MAST3: variants seen among roughly 807,000 people sequenced by gnomAD.
The protein encoded by MAST3 is microtubule associated serine/threonine kinase 3.
In MAST3, 43 loss-of-function variants were observed where a neutral mutation model predicts 127.0. The observed-to-expected ratio is 0.34, with a 90% CI of 0.27 to 0.44. MAST3 has a LOEUF of 0.44. Ranked by LOEUF, MAST3 falls within the 20% of genes least tolerant of loss-of-function variation. The pLI is 1.00. For synonymous variants in MAST3, 785 were observed against 809.2 expected, an observed-to-expected ratio of 0.97 and a Z score of 0.51; for missense variants, 1,390 against 1,919.1, an observed-to-expected ratio of 0.72 and a Z score of 5.15.
At chr19:18,136,822 T>C (rs2041939542) in intron 18 of MAST3, among the ~76,000 whole-genome samples, 1 of 151,940 alleles carries the variant, frequency 6.6e-6, no homozygotes, top group South Asian at 2.1e-4. Flanking sequence ...GTTGTTGTTG[T>C]TGTTGTTGTT....
In MAST3 at chr19:18,110,769, G is replaced by A. The variant is rs966699437; in HGVS notation, c.161+28G>A. ...AAGTGACAGCGCGTGTGGGCGGGGC[G>A]CAGACATCGCCCTGGCACCCCAGAG... On this transcript the variant is annotated intron_variant, in intron 3 of 27. Coordinates refer to ENST00000687212, the MANE Select transcript of MAST3 (RefSeq NM_001393504.1). This position sits in a 1 kb window ranked among gnomAD's most constrained non-coding sequence, Gnocchi z 4.3. 2.0e-5 allele frequency: 19 copies of A among 955,028 alleles called. No individual in the cohort carries two copies. The African/African-American group carries it at 3.2e-4, about 16-fold the overall frequency. 59.2% of individuals were successfully genotyped at this position (955,028 alleles called of 1,614,324 possible). A position where few individuals can be genotyped will look rare whatever the true frequency, so the allele number is the denominator to read the frequency against.
chr19:18,130,463 G>C (rs376408851), intron 13 of MAST3, 31 bp from the exon 14 acceptor site: 3 of 1,562,280 alleles, frequency 1.9e-6, no homozygotes, highest in Admixed American at 1.9e-5. Flanking sequence ...CTCGATCTCC[G>C]GTCCCAGCAA....
At chr19:18,130,790 T>C (rs908290915) in intron 14 of MAST3, 88 bp downstream of exon 14, 10 of 1,305,212 alleles carry the variant, frequency 7.7e-6, no homozygotes, top group African/African-American at 4.4e-5. Flanking sequence ...AGTTGAGGTC[T>C]GTTCTGTCCT....
chr19:18,123,281 A>T lies in MAST3; in HGVS notation c.464A>T (p.His155Leu). The change falls in exon 7 of 28, where the codon CAC (histidine) becomes CTC (leucine). Residue 155 changes from histidine to leucine, a missense_variant. Physicochemically the swap from His to Leu is moderately conservative, Grantham distance 99. This residue lies in a region of MAST3 where 277 missense variants were observed against 384.8 expected (regional missense o/e 0.72). Coordinates refer to ENST00000687212, the MANE Select transcript of MAST3 (RefSeq NM_001393504.1). ...TTCCAGCCGACGCCGGACGAGCTGCACTTCCTGTCCAAGCACTTCCGCAGC... is the reference window on the plus strand; with the variant it reads ...TTCCAGCCGACGCCGGACGAGCTGCTCTTCCTGTCCAAGCACTTCCGCAGC... ...LPFQPTPDEL[H>L]FLSKHFRSSE... is the part of the protein sequence containing the mutation. 1.4e-5 allele frequency: 22 copies of T among 1,613,856 alleles called. No homozygotes were observed. Among genetic ancestry groups the T allele is most frequent in the Non-Finnish European group, 1.9e-5 (22 of 1,179,876 alleles).
At chr19:18,118,288 C>T in intron 3 of MAST3, 55 of 979,782 alleles carry the variant, frequency 5.6e-5, no homozygotes, top group Non-Finnish European at 6.5e-5. Flanking sequence ...GGCTCGGCGG[C>T]CAGCCGAGCA....
chr19:18,107,373 G>A (rs1422368072), intron 1 of MAST3, among the ~76,000 whole-genome samples: 1 of 152,170 alleles, frequency 6.6e-6, no homozygotes, highest in East Asian at 1.9e-4. Context: ...AGTATGAGCT[G>A]CAGTTAATTA....
intron 25 of MAST3, 125 bp from the exon 26 acceptor site, chr19:18,146,756 G>C (rs1424044321): frequency 4.6e-6 from 4 of 865,788 alleles, no homozygotes; most frequent in Non-Finnish European, 1.8e-6. Flanking sequence ...TGGTTGTGTG[G>C]ATGAATGGAT....
In MAST3 at chr19:18,141,888, A is replaced by G. The variant is rs1246822684; in HGVS notation, c.2212A>G (p.Ser738Gly). 2 of 1,469,450 alleles carry G rather than the reference A, an allele frequency of 1.4e-6. No individual in the cohort carries two copies. Among genetic ancestry groups the G allele is most frequent in the East Asian group, 2.7e-5 (1 of 36,786 alleles). 91.0% of individuals were successfully genotyped at this position (1,469,450 alleles called of 1,614,324 possible). A position where few individuals can be genotyped will look rare whatever the true frequency, so the allele number is the denominator to read the frequency against. ...CTTTTGTCTTGCCTCCCAGGTCTAC[A>G]GCAGCTCTGAGTTCCTGGCCGTCCA... ...SCSHRFSKVYSSSEFLAVQPT... is the reference protein window; with the variant it reads ...SCSHRFSKVYGSSEFLAVQPT... Residue 738 changes from serine (S) to glycine (G), a missense_variant, in exon 21 of 28, where the codon AGC (serine) becomes GGC (glycine). Physicochemically the swap from Ser to Gly is moderately conservative, Grantham distance 56 (BLOSUM62 0). Transcript: ENST00000687212.
At chr19:18,129,036 T>C in intron 13 of MAST3, 85 bp downstream of exon 13, 1 of 1,186,342 alleles carries the variant, frequency 8.4e-7, no homozygotes, top group Non-Finnish European at 1.3e-6. Flanking sequence ...ATCCCCCTCC[T>C]ACCCCAGCAG....
At chr19:18,127,071 C>T (rs1379770203) in intron 11 of MAST3, among the ~76,000 whole-genome samples, 1 of 151,966 alleles carries the variant, frequency 6.6e-6, no homozygotes, top group Non-Finnish European at 1.5e-5. Flanking sequence ...TGAGCCACCG[C>T]GCCTGGCCTA....
At position 18,144,760 on chromosome 19, in the gene MAST3, T is replaced by C. The variant is rs1160545885; in HGVS notation, c.2812+67T>C. 1 of 1,547,964 alleles carries C rather than the reference T, an allele frequency of 6.5e-7. No homozygotes were observed. The highest frequency in any genetic ancestry group is 8.8e-7 in the Non-Finnish European group (1 of 1,134,144). ...ATTTTCACCAACAGGGTGGGGGCCC[T>C]TCCTGAGTTGGGGAGGCTGGGGATG... On this transcript the variant is annotated intron_variant, in intron 23 of 27. Coordinates refer to ENST00000687212, the MANE Select transcript of MAST3 (RefSeq NM_001393504.1). This position sits in a 1 kb window ranked among gnomAD's most constrained non-coding sequence, Gnocchi z 4.0.
At chr19:18,132,694 C>T (rs968016395) in intron 15 of MAST3, among the ~76,000 whole-genome samples, 1 of 152,188 alleles carries the variant, frequency 6.6e-6, no homozygotes, top group Non-Finnish European at 1.5e-5. Flanking sequence ...ATTTATTGAG[C>T]GCCTGCTGTG....
At chr19:18,138,588 C>G (rs1213400237) in intron 19 of MAST3, among the ~76,000 whole-genome samples, 3 of 152,132 alleles carry the variant, frequency 2.0e-5, no homozygotes, top group African/African-American at 7.2e-5. Flanking sequence ...ACCTCTGCCT[C>G]CCGGGTTCAA....
chr19:18,100,234 C>T (rs1335974994), intron 1 of MAST3, among the ~76,000 whole-genome samples: 2 of 151,436 alleles, frequency 1.3e-5, no homozygotes, highest in African/African-American at 4.8e-5. Flanking sequence ...AAGTAATTCT[C>T]CCTGCCTCAG....
intron 15 of MAST3, among the ~76,000 whole-genome samples, chr19:18,134,315 G>A (rs1183259568): frequency 1.3e-5 from 2 of 152,200 alleles, no homozygotes; most frequent in East Asian, 3.8e-4. Flanking sequence ...ACTTTCAAAG[G>A]TGGGAGGATT....
At chr19:18,140,401 G>A (rs1205739109) in intron 20 of MAST3, among the ~76,000 whole-genome samples, 2 of 152,020 alleles carry the variant, frequency 1.3e-5, no homozygotes, top group Non-Finnish European at 2.9e-5. Flanking sequence ...TAATAATAAA[G>A]TGTACAATTT....
At chr19:18,123,718 G>T in intron 8 of MAST3, 63 bp downstream of exon 8, 1 of 1,348,788 alleles carries the variant, frequency 7.4e-7, no homozygotes, top group East Asian at 2.5e-5. Flanking sequence ...GTCCCTCCAT[G>T]GAACTCTGTC....
Position 18,124,834 on chromosome 19 carries a change from G to C in MAST3, c.1078+60G>C. 3 of 1,529,590 alleles carry C rather than the reference G, an allele frequency of 2.0e-6. No homozygotes were observed. The South Asian group carries it at 3.8e-5, about 19-fold the overall frequency. The allele number at this position is 1,529,590 out of a possible 1,614,324, so 94.8% of individuals were successfully genotyped here. ...GAAAGGCCGGATGGAGGCCAGGCAC[G>C]GTGGCTCACACCTTTAATACCAGCA... On this transcript the variant is annotated intron_variant, in intron 11 of 27. Transcript: ENST00000687212.
chr19:18,146,852 G>T, intron 25 of MAST3, 29 bp from the exon 26 acceptor site: 1 of 1,530,728 alleles, frequency 6.5e-7, no homozygotes, highest in Non-Finnish European at 8.8e-7. Context: ...GAGAGGCACA[G>T]AGGCAACCCC....
Sources: allele counts gnomAD v4.1 joint callset (sites outside exome capture counted in the v4.1 genomes callset), GRCh38; gene constraint gnomAD v4.1.1; regional missense constraint gnomAD v4.1.1; non-coding constraint Gnocchi (gnomAD v3.1); transcripts MANE v1.5; gene names NCBI Gene and HGNC (gene_info 2026-07-23, HGNC 2026-07-21).